FHL1: variants seen among roughly 807,000 people sequenced by gnomAD.
FHL1 encodes the protein four and a half LIM domains protein 1.
In FHL1, 1 loss-of-function variant was observed where a neutral mutation model predicts 20.3. The ratio of observed to expected loss-of-function variants is 0.05; its 90% CI spans 0.02 to 0.23. The LOEUF (loss-of-function observed/expected upper bound fraction) is 0.23, where lower values mean the gene tolerates loss of function less well. Among genes scored for constraint, FHL1 ranks in the 10% least tolerant of loss-of-function variants. The probability of loss-of-function intolerance (pLI) is 1.00; values close to 1 mark genes in which losing one functional copy is unlikely to be tolerated. For synonymous variants in FHL1, 82 were observed against 88.9 expected, an observed-to-expected ratio of 0.92 and a Z score of 0.44; for missense variants, 177 against 234.0, an observed-to-expected ratio of 0.76 and a Z score of 1.59.
chrX:136,185,658 T>C lies in FHL1; in HGVS notation c.-27+15678T>C, dbSNP rs191067362. Among the ~76,000 whole-genome samples, 415 of 112,005 alleles carry C rather than the reference T, an allele frequency of 3.7e-3. 1 individual carries two copies. Among genetic ancestry groups the C allele is most frequent in the Non-Finnish European group, 5.9e-3 (313 of 53,207 alleles). On this transcript the variant is annotated intron_variant, in intron 2 of 6. Coordinates refer to the FHL1 transcript ENST00000394153. The stretch of plus-strand genomic sequence containing the variant: ...TGGCTTCAATTAGTTATGTGACCTT[T>C]AAGAAAACAAGTGCCCGTTTCAGAA...
At chrX:136,208,780 C>T (rs2073921413) in intron 5 of FHL1, 139 bp downstream of exon 5, 1 of 625,823 alleles carries the variant, frequency 1.6e-6, no homozygotes, top group Non-Finnish European at 2.6e-6. Context: ...GTCCCAAAGG[C>T]CCCCCAAGAG....
Position 136,156,628 on chromosome X carries a change from T to C in FHL1, c.-101+9000T>C, listed in dbSNP as rs139257820. On this transcript the variant is annotated intron_variant, in intron 1 of 7. Transcript: ENST00000394155. Reference sequence around the variant, plus strand: ...CAGTCACAAGGTTTTAAATTTCCTTTTCAGTACTAAGGAAATGATAGCTGG... The same window carrying C: ...CAGTCACAAGGTTTTAAATTTCCTTCTCAGTACTAAGGAAATGATAGCTGG... Among the ~76,000 whole-genome samples, 446 of 111,739 alleles carry C rather than the reference T, an allele frequency of 4.0e-3. 3 individuals carry two copies. The highest frequency in any genetic ancestry group is 0.013 in the African/African-American group (388 of 30,726).
chrX:136,196,639 T>C (rs1387122660), upstream of FHL1: 1 of 434,815 alleles, frequency 2.3e-6, no homozygotes, highest in African/African-American at 2.5e-5. Flanking sequence ...GTTACACTGG[T>C]AACATAAGTC....
intron 1 of FHL1, chrX:136,147,740 C>T (rs1435578575): frequency 2.3e-4 from 25 of 109,445 alleles, no homozygotes; most frequent in Admixed American, 2.0e-3. Flanking sequence ...CCGCTCGGGG[C>T]TGGTCCCTGC....
upstream of FHL1, among the ~76,000 whole-genome samples, chrX:136,194,992 C>G (rs2073521045): frequency 8.9e-6 from 1 of 111,786 alleles, no homozygotes; most frequent in Non-Finnish European, 1.9e-5. Context: ...GCTATTGTTG[C>G]AGGCCCAAGC....
intron 1 of FHL1, among the ~76,000 whole-genome samples, chrX:136,149,011 T>C (rs777687151): frequency 8.9e-6 from 1 of 112,634 alleles, no homozygotes. Flanking sequence ...ATAGATCCAG[T>C]TTTCCTAATT....
At chrX:136,206,216 G>T (rs973658917) in intron 1 of FHL1, 191 bp from the exon 2 acceptor site, 9 of 518,649 alleles carry the variant, frequency 1.7e-5, no homozygotes, top group Non-Finnish European at 2.3e-5. Context: ...GGGTGCTTTT[G>T]TTCCTGGAAT....
chrX:136,209,371 G>A (rs1367302828), intron 5 of FHL1: 1 of 1,211,456 alleles, frequency 8.3e-7, no homozygotes, highest in African/African-American at 1.7e-5. Flanking sequence ...TCCGGGTGGA[G>A]AGAGGACTTG....
At chrX:136,158,486 C>T (rs1417432211) in intron 1 of FHL1, among the ~76,000 whole-genome samples, 1 of 111,584 alleles carries the variant, frequency 9.0e-6, no homozygotes, top group Non-Finnish European at 1.9e-5. Context: ...TGATTTTCCT[C>T]CTCCATGTCT....
At chrX:136,185,675 GT>G (rs1360111987) in intron 2 of FHL1, among the ~76,000 whole-genome samples, 1 of 111,871 alleles carries the variant, frequency 8.9e-6, no homozygotes, top group Non-Finnish European at 1.9e-5. Flanking sequence ...ACAAGTGCCC[GT>G]TTCAGAAAAG....
chrX:136,147,203 C>T (rs1183820389), upstream of FHL1, among the ~76,000 whole-genome samples: 1 of 109,504 alleles, frequency 9.1e-6, no homozygotes, highest in Non-Finnish European at 1.9e-5. Flanking sequence ...AGCCGGTCCT[C>T]GGGAAAGAGC....
chrX:136,211,214 T>A lies in FHL1; in HGVS notation c.*1189T>A. On this transcript the variant is annotated 3_prime_UTR_variant, in exon 6 of 6. Coordinates refer to ENST00000370683, the MANE Select transcript of FHL1 (RefSeq NM_001159699.2). The stretch of plus-strand genomic sequence containing the variant: ...TAGTATAATGAGACAATATCAAAAG[T>A]AAACATGTAATGACAATACATACTA... 1 of 361,612 alleles carries A rather than the reference T, an allele frequency of 2.8e-6. No individual in the cohort carries two copies. The highest frequency in any genetic ancestry group is 2.6e-5 in the South Asian group (1 of 38,392). The allele number at this position is 361,612 out of a possible 1,213,427, so 29.8% of individuals were successfully genotyped here.
intron 5 of FHL1, chrX:136,209,571 T>C: frequency 4.4e-6 from 3 of 689,453 alleles, no homozygotes; most frequent in Non-Finnish European, 6.4e-6. Context: ...AATAGCGTGG[T>C]GGCATGGGAA....
upstream of FHL1, chrX:136,167,947 A>G (rs2072757324): frequency 8.9e-6 from 1 of 112,157 alleles, no homozygotes; most frequent in Admixed American, 9.5e-5. Flanking sequence ...AAAGAGAGGT[A>G]TATTTGGTAT....
At position 136,211,210 on chromosome X, in the gene FHL1, A is replaced by G. The variant is rs1410260763; in HGVS notation, c.*1185A>G. ...GACATAGTATAATGAGACAATATCAAAAGTAAACATGTAATGACAATACAT... is the reference window on the plus strand; with the variant it reads ...GACATAGTATAATGAGACAATATCAGAAGTAAACATGTAATGACAATACAT... On this transcript the variant is annotated 3_prime_UTR_variant, in exon 6 of 6. Transcript: ENST00000370683. 5.5e-6 allele frequency: 2 copies of G among 361,415 alleles called. No individual in the cohort carries two copies. Among genetic ancestry groups the G allele is most frequent in the East Asian group, 6.3e-5 (1 of 15,995 alleles). The allele number at this position is 361,415 out of a possible 1,213,427, so 29.8% of individuals were successfully genotyped here.
chrX:136,170,002 A>G (rs774188646), intron 2 of FHL1: 182 of 328,938 alleles, frequency 5.5e-4, no homozygotes, highest in African/African-American at 4.3e-3. Context: ...TAATTGCCAC[A>G]AATTCTTACA....
upstream of FHL1, among the ~76,000 whole-genome samples, chrX:136,193,836 T>C (rs919995949): frequency 2.7e-5 from 3 of 110,503 alleles, no homozygotes; most frequent in Non-Finnish European, 5.7e-5. Context: ...ACTGCTTGCA[T>C]GACTCCATCT....
chrX:136,168,799 T>C (rs776023560), upstream of FHL1, among the ~76,000 whole-genome samples: 1 of 111,956 alleles, frequency 8.9e-6, no homozygotes, highest in South Asian at 3.8e-4. Context: ...TACCAGCACA[T>C]TAACAGTTTT....
At chrX:136,168,414 G>C (rs1218829389), upstream of FHL1, 3 of 111,933 alleles carry the variant, frequency 2.7e-5, no homozygotes, top group African/African-American at 9.7e-5. Context: ...CTGACACCAA[G>C]ATACTTAACA....
Sources: allele counts gnomAD v4.1 joint callset (sites outside exome capture counted in the v4.1 genomes callset), GRCh38; gene constraint gnomAD v4.1.1; transcripts MANE v1.5; gene names NCBI Gene and HGNC (gene_info 2026-07-23, HGNC 2026-07-21).